EEFSEC: variants seen among roughly 807,000 people sequenced by gnomAD.
EEFSEC encodes the protein selenocysteine-specific elongation factor.
In EEFSEC, 43 loss-of-function variants were observed where a neutral mutation model predicts 42.1. The ratio of observed to expected loss-of-function variants is 1.02; its 90% CI spans 0.80 to 1.32. EEFSEC has a LOEUF of 1.32. EEFSEC is among the 40% of genes most tolerant of loss of function. The pLI is 0.00. For missense variants in EEFSEC, 745 were observed against 803.6 expected (o/e 0.93, Z 0.88); for synonymous variants, 354 against 339.1 (o/e 1.04, Z -0.48).
intron 1 of EEFSEC, among the ~76,000 whole-genome samples, chr3:128,180,128 G>A (rs1422180534): frequency 2.6e-5 from 4 of 151,994 alleles, no homozygotes; most frequent in Non-Finnish European, 4.4e-5. Flanking sequence ...TGTTAACATA[G>A]ATTGAGAGGA....
chr3:128,229,445 C>G (rs2065938735), intron 1 of EEFSEC, among the ~76,000 whole-genome samples: 1 of 152,208 alleles, frequency 6.6e-6, no homozygotes, highest in South Asian at 2.1e-4. Context: ...CTTCCCCACC[C>G]CCACCATGGG....
At chr3:128,293,680 A>C (rs1403912731) in intron 4 of EEFSEC, among the ~76,000 whole-genome samples, 1 of 95,186 alleles carries the variant, frequency 1.1e-5, no homozygotes, top group Non-Finnish European at 2.3e-5. Flanking sequence ...AAAAAAAAAA[A>C]AAAAAAACTT....
chr3:128,253,384 G>A (rs967558246), intron 2 of EEFSEC, among the ~76,000 whole-genome samples: 2 of 152,092 alleles, frequency 1.3e-5, no homozygotes, highest in Non-Finnish European at 2.9e-5. Context: ...CTATGGGAGA[G>A]GCCTGGACTC....
chr3:128,373,932 T>C (rs908248028), intron 6 of EEFSEC, among the ~76,000 whole-genome samples: 2 of 152,214 alleles, frequency 1.3e-5, no homozygotes, highest in African/African-American at 2.4e-5. Flanking sequence ...TCCATTTCCT[T>C]CCAGCACTTT....
At chr3:128,198,356 GAGA>G (rs139998563) in intron 1 of EEFSEC, among the ~76,000 whole-genome samples, 165 of 152,298 alleles carry the variant, frequency 1.1e-3, no homozygotes, top group Non-Finnish European at 1.8e-3. Context: ...ATTTCTTCCT[GAGA>G]AGTAGTTCTT....
chr3:128,410,133 G>C (rs1197638968), downstream of EEFSEC, among the ~76,000 whole-genome samples: 1 of 152,178 alleles, frequency 6.6e-6, no homozygotes, highest in Non-Finnish European at 1.5e-5. Context: ...TCACCTCCCA[G>C]CACAGATCTG....
intron 6 of EEFSEC, among the ~76,000 whole-genome samples, chr3:128,376,498 G>A (rs2067712037): frequency 6.6e-6 from 1 of 152,192 alleles, no homozygotes; most frequent in Admixed American, 6.5e-5. Flanking sequence ...GCTGAGGGCT[G>A]GACTGAGTCT....
Position 128,384,408 on chromosome 3 carries a change from C to T in EEFSEC, c.1601-23661C>T, listed in dbSNP as rs536598547. Among the ~76,000 whole-genome samples the T allele has an allele frequency of 2.0e-5, 3 of 152,282 alleles. No homozygotes were observed. In the East Asian group the frequency reaches 5.8e-4, roughly 29 times the overall value. On this transcript the variant is annotated intron_variant, in intron 6 of 6. Coordinates refer to ENST00000254730, the MANE Select transcript of EEFSEC (RefSeq NM_021937.5). ...AGAGGTGATTTGTGGGGTCCAGCTG[C>T]CAGAATGGGGTGTCCCAGGATGGAG...
chr3:128,389,254 G>A lies in EEFSEC; in HGVS notation c.1601-18815G>A, dbSNP rs937440237. Among the ~76,000 whole-genome samples, 36 of 152,258 alleles carry A rather than the reference G, an allele frequency of 2.4e-4. 1 individual carries two copies. The highest frequency in any genetic ancestry group is 5.9e-5 in the Non-Finnish European group (4 of 68,040). The stretch of plus-strand genomic sequence containing the variant: ...CCCGAGGACATCACAGCCCTGCAGA[G>A]GAGGAAGACAAGCCAGGCCGCCCAC... On this transcript the variant is annotated intron_variant, in intron 6 of 6. Transcript: ENST00000254730.
rs965331314 is a variant in EEFSEC at position 128,190,009 on chromosome 3, C to T, written c.316+36186C>T. Among the ~76,000 whole-genome samples, 3 of 152,324 alleles carry T rather than the reference C, an allele frequency of 2.0e-5. No individual in the cohort carries two copies. In the South Asian group the frequency reaches 6.2e-4, roughly 32 times the overall value. On this transcript the variant is annotated intron_variant, in intron 1 of 6. Coordinates refer to ENST00000254730, the MANE Select transcript of EEFSEC (RefSeq NM_021937.5). ...TCCTGAGTAGCTGGGACTACAGGTG[C>T]ATGCTGCCATGCCTGGCAAATTTTC...
intron 1 of EEFSEC, among the ~76,000 whole-genome samples, chr3:128,181,513 C>T (rs1032927334): frequency 6.6e-6 from 1 of 152,192 alleles, no homozygotes; most frequent in African/African-American, 2.4e-5. Flanking sequence ...ACAACAAAAA[C>T]AAAAGAGAAG....
intron 1 of EEFSEC, among the ~76,000 whole-genome samples, chr3:128,158,668 A>G (rs1419818582): frequency 6.6e-6 from 1 of 152,238 alleles, no homozygotes; most frequent in African/African-American, 2.4e-5. Flanking sequence ...ACATACTACT[A>G]TTGCACACTT....
Position 128,206,976 on chromosome 3 carries a change from G to A in EEFSEC, c.317-39860G>A, listed in dbSNP as rs549300800. Among the ~76,000 whole-genome samples the A allele has an allele frequency of 1.4e-4, 22 of 152,144 alleles. 1 individual carries two copies. The highest frequency in any genetic ancestry group is 7.2e-4 in the Admixed American group (11 of 15,270). On this transcript the variant is annotated intron_variant, in intron 1 of 6. Coordinates refer to ENST00000254730, the MANE Select transcript of EEFSEC (RefSeq NM_021937.5). ...TCACTCTCCAGACCCAGACTGGCCC[G>A]TGCAGCACTTCTGCCTGCAGCTGAG...
At chr3:128,219,096 C>T (rs1044065858) in intron 1 of EEFSEC, among the ~76,000 whole-genome samples, 1 of 152,196 alleles carries the variant, frequency 6.6e-6, no homozygotes, top group Non-Finnish European at 1.5e-5. Context: ...TGCCTCTGCT[C>T]GGACTTTGCC....
chr3:128,218,455 C>T lies in EEFSEC; in HGVS notation c.317-28381C>T, dbSNP rs147551704. On this transcript the variant is annotated intron_variant, in intron 1 of 6. Transcript: ENST00000254730. ...AGTTGCTTTAAGCAAACAGATGCGG[C>T]TAGCTTTCTGGGCCAAGCGCAGTGT... Among the ~76,000 whole-genome samples the T allele has an allele frequency of 2.0e-3, 311 of 152,332 alleles. 2 individuals are homozygous for T. The highest frequency in any genetic ancestry group is 1.5e-3 in the Non-Finnish European group (100 of 68,042).
intron 6 of EEFSEC, 74 bp downstream of exon 6, chr3:128,358,447 G>T (rs1157301102): frequency 3.8e-5 from 59 of 1,568,620 alleles, no homozygotes; most frequent in Admixed American, 8.8e-5. Context: ...TGATGCCAAG[G>T]TGGCGCTCCT....
intron 6 of EEFSEC, among the ~76,000 whole-genome samples, chr3:128,395,032 C>T (rs879744222): frequency 1.5e-4 from 23 of 152,354 alleles, no homozygotes; most frequent in Non-Finnish European, 8.8e-5. Flanking sequence ...TTGGTCTCCA[C>T]GGCCATGAGC....
intron 1 of EEFSEC, among the ~76,000 whole-genome samples, chr3:128,236,602 G>A (rs1289156322): frequency 2.0e-5 from 3 of 152,170 alleles, no homozygotes; most frequent in African/African-American, 7.2e-5. Flanking sequence ...TACTAGTAAG[G>A]TGTGATGTCT....
chr3:128,161,419 G>T (rs992184283), intron 1 of EEFSEC, among the ~76,000 whole-genome samples: 1 of 152,124 alleles, frequency 6.6e-6, no homozygotes, highest in Non-Finnish European at 1.5e-5. Context: ...CCAGTCTTTT[G>T]TTTCGGTTGT....
Sources: gnomAD v4.1 joint callset for allele counts (sites outside exome capture counted in the v4.1 genomes callset) on GRCh38, gnomAD v4.1.1 for gene constraint, MANE v1.5 for transcripts, NCBI Gene and HGNC (gene_info 2026-07-23, HGNC 2026-07-21) for gene names.